COL16A1: variants seen among roughly 807,000 people sequenced by gnomAD.
COL16A1 encodes collagen type XVI alpha 1 chain, also known as collagen alpha-1(XVI) chain.
Under a neutral mutation model 266.3 loss-of-function variants are expected in COL16A1, and 189 were observed. The ratio of observed to expected loss-of-function variants is 0.71; its 90% CI spans 0.63 to 0.80. The LOEUF is 0.80. Ranked by LOEUF, COL16A1 falls within the 30% of genes least tolerant of loss-of-function variation. The pLI is 0.00. For synonymous variants in COL16A1, 740 were observed against 782.3 expected, an observed-to-expected ratio of 0.95 and a Z score of 0.90; for missense variants, 1,928 against 2,122.4, an observed-to-expected ratio of 0.91 and a Z score of 1.80.
At chr1:31,673,572 G>A (rs1013722061) in intron 44 of COL16A1, among the ~76,000 whole-genome samples, 5 of 152,330 alleles carry the variant, frequency 3.3e-5, no homozygotes, top group Admixed American at 1.3e-4. Context: ...CAGTAATAAC[G>A]ACTGGCATTT....
Position 31,671,098 on chromosome 1 carries a change from T to C in COL16A1, c.3151-452A>G, listed in dbSNP as rs150429103. ...CCTAGTCACTTCTATTTTCCTGCCATGTCAACATCACAGAGGACTCCAGAG... is the reference window on the plus strand; with the variant it reads ...CCTAGTCACTTCTATTTTCCTGCCACGTCAACATCACAGAGGACTCCAGAG... On this transcript the variant is annotated intron_variant, in intron 48 of 70. Transcript: ENST00000373672. Among the ~76,000 whole-genome samples the C allele has an allele frequency of 8.5e-5, 13 of 152,350 alleles. No individual in the cohort carries two copies. In the East Asian group the frequency reaches 1.4e-3, roughly 16 times the overall value.
At chr1:31,690,273 C>T (rs1644199625) in intron 22 of COL16A1, 94 bp downstream of exon 22, 1 of 1,570,312 alleles carries the variant, frequency 6.4e-7, no homozygotes, top group Non-Finnish European at 8.6e-7. Context: ...GAAGGTCCAG[C>T]ACCCCTAGGC....
In COL16A1 at chr1:31,664,443, C is replaced by A. The variant is rs1641955012; in HGVS notation, c.3555+729G>T. Among the ~76,000 whole-genome samples the A allele has an allele frequency of 6.6e-6, 1 of 152,134 alleles. No homozygotes were observed. The highest frequency in any genetic ancestry group is 2.4e-5 in the African/African-American group (1 of 41,416). On this transcript the variant is annotated intron_variant, in intron 56 of 70. Coordinates refer to ENST00000373672, the MANE Select transcript of COL16A1 (RefSeq NM_001856.4). This position sits in a 1 kb window ranked among gnomAD's most constrained non-coding sequence, Gnocchi z 5.5. ...AAGGCTCAGGGGAAAGAGGCTCCCA[C>A]CTGTCCCTCTGAACCCAGGTCCCCC...
chr1:31,662,308 C>T, intron 58 of COL16A1, 26 bp downstream of exon 58: 3 of 776,732 alleles, frequency 3.9e-6, no homozygotes, highest in Non-Finnish European at 4.3e-6. Flanking sequence ...GGAAGGGGTG[C>T]CCGCCCTCCC....
intron 52 of COL16A1, 116 bp downstream of exon 52, chr1:31,667,458 CA>C (rs1642231760): frequency 7.4e-6 from 6 of 812,020 alleles, no homozygotes; most frequent in South Asian, 5.1e-5. Flanking sequence ...GGCTTGGGGG[CA>C]GGGGGGCAGC....
At chr1:31,687,243 G>T (rs1166831721) in intron 26 of COL16A1, among the ~76,000 whole-genome samples, 1 of 152,020 alleles carries the variant, frequency 6.6e-6, no homozygotes, top group African/African-American at 2.4e-5. Context: ...TTAGCTGAGT[G>T]TGGTGGTGCA....
At chr1:31,662,721 C>T in intron 56 of COL16A1, 63 bp from the exon 57 acceptor site, 6 of 1,454,776 alleles carry the variant, frequency 4.1e-6, no homozygotes, top group Non-Finnish European at 5.5e-6. Context: ...TTTGCCCCAC[C>T]CATGGAGACC....
chr1:31,680,882 G>A (rs775101683), intron 39 of COL16A1, 23 bp downstream of exon 39: 2 of 1,613,992 alleles, frequency 1.2e-6, no homozygotes, highest in South Asian at 2.2e-5. Flanking sequence ...CTAGAATATG[G>A]GTCACAGGCC....
chr1:31,691,560 G>T, intron 18 of COL16A1, 38 bp downstream of exon 18: 3 of 1,613,954 alleles, frequency 1.9e-6, no homozygotes, highest in Middle Eastern at 1.7e-4. Context: ...CCCCAGCCCT[G>T]CCACCCCATC....
chr1:31,656,505 G>A lies in COL16A1; in HGVS notation c.4057-61C>T. 2 of 1,590,524 alleles carry A rather than the reference G, an allele frequency of 1.3e-6. No homozygotes were observed. Among genetic ancestry groups the A allele is most frequent in the South Asian group, 1.1e-5 (1 of 87,748 alleles). On this transcript the variant is annotated intron_variant, in intron 65 of 70. Coordinates refer to ENST00000373672, the MANE Select transcript of COL16A1 (RefSeq NM_001856.4). The surrounding 1 kb of genome is among the most constrained non-coding windows in gnomAD (Gnocchi z 4.2). The stretch of plus-strand genomic sequence containing the variant: ...CAGCATCTCTGAGGCTCCCTGGGGA[G>A]GCAGGTGCAGTGAAGAGGCCCCTTC...
chr1:31,652,895 G>C lies in COL16A1; in HGVS notation c.4613-42C>G, dbSNP rs1640750514. The C allele has an allele frequency of 7.0e-7, 1 of 1,427,296 alleles. No individual in the cohort carries two copies. Among genetic ancestry groups the C allele is most frequent in the African/African-American group, 1.4e-5 (1 of 69,526 alleles). The allele number at this position is 1,427,296 out of a possible 1,614,324, so 88.4% of individuals were successfully genotyped here. A position where few individuals can be genotyped will look rare whatever the true frequency, so the allele number is the denominator to read the frequency against. On this transcript the variant is annotated intron_variant, in intron 70 of 70. Transcript: ENST00000373672. The surrounding 1 kb of genome is among the most constrained non-coding windows in gnomAD (Gnocchi z 4.8). ...CACAGAGGGAAAATCAGAAGACCCA[G>C]ATCATAAGGGAAAAGAAGCCATAAT...
chr1:31,658,922 A>C lies in COL16A1; in HGVS notation c.3922T>G (p.Ser1308Ala). 1 of 1,553,778 alleles carries C rather than the reference A, an allele frequency of 6.4e-7. No homozygotes were observed. Among genetic ancestry groups the C allele is most frequent in the Non-Finnish European group, 8.7e-7 (1 of 1,148,218 alleles). Residue 1308 changes from serine (S) to alanine (A), a missense_variant, in exon 63 of 71, where the codon TCT (serine) becomes GCT (alanine). Coordinates refer to ENST00000373672, the MANE Select transcript of COL16A1 (RefSeq NM_001856.4). ...TGGAGCATGTTACTCACCACTGCAG[A>C]GATCCCAGCTGGTCCTGGCTGGCCT... ...PPGQPGPAGI[S>A]AVGLKGDRGA... is the part of the protein sequence containing the mutation.
At position 31,675,010 on chromosome 1, in the gene COL16A1, A is replaced by G. The variant is rs1198532591; in HGVS notation, c.2856T>C (p.Leu952=). 2 of 1,612,594 alleles carry G rather than the reference A, an allele frequency of 1.2e-6. No individual in the cohort carries two copies. The highest frequency in any genetic ancestry group is 3.3e-5 in the Admixed American group (2 of 59,876). Residue 952 remains leucine (L), a synonymous_variant, in exon 44 of 71, where the codon CTT becomes CTC. Coordinates refer to ENST00000373672, the MANE Select transcript of COL16A1 (RefSeq NM_001856.4). ...LGSLPIEQHL[L]KSICGDCVQG... is the part of the protein sequence containing the mutation. ...TCCCTCCTGGGTACCCTCTTACCTT[A>G]AGGAGGTGCTGTTCAATTGGTAAGG...
intron 2 of COL16A1, among the ~76,000 whole-genome samples, chr1:31,701,724 G>A (rs1020654093): frequency 2.0e-5 from 3 of 152,142 alleles, no homozygotes; most frequent in East Asian, 1.9e-4. Context: ...GGGAGGCGGC[G>A]TCCTTCTGCA....
chr1:31,695,821 G>T, intron 9 of COL16A1, 34 bp from the exon 10 acceptor site: 1 of 1,596,226 alleles, frequency 6.3e-7, no homozygotes, highest in Non-Finnish European at 8.6e-7. Context: ...GGAATGGGCA[G>T]GGAGCTCAGG....
At chr1:31,667,735 G>C in intron 51 of COL16A1, 107 bp from the exon 52 acceptor site, 1 of 1,113,950 alleles carries the variant, frequency 9.0e-7, no homozygotes, top group South Asian at 1.3e-5. Flanking sequence ...GGCTCTGGGG[G>C]AATGGCACTG....
At position 31,686,303 on chromosome 1, in the gene COL16A1, G is replaced by A. The variant is rs141736437; in HGVS notation, c.1804-24C>T. 1.1e-3 allele frequency: 1,826 copies of A among 1,614,204 alleles called. 17 individuals are homozygous for A. In the African/African-American group the frequency reaches 0.022, roughly 19 times the overall value. ...CCCTGAGAGAAAGCACAGAAACCAT[G>A]ATTAAAGAGGGGATGGAGTCTGGGT... is the stretch of plus-strand genomic sequence containing the variant. On this transcript the variant is annotated intron_variant, in intron 26 of 70. Transcript: ENST00000373672.
In COL16A1 at chr1:31,653,629, C is replaced by A; in HGVS notation, c.4582G>T (p.Ala1528Ser). ...GGGCCGGGAAGACCATTTTCTCCTG[C>A]AATGCCAATACCAATGTCCCCTTTT... ...GEKGDIGIGI[A>S]GENGLPGPPG... The change falls in exon 70 of 71, where the codon GCA (alanine) becomes TCA (serine). Residue 1528 changes from alanine (A) to serine (S), a missense_variant. Ala to Ser is a moderately conservative substitution (Grantham distance 99). Coordinates refer to ENST00000373672, the MANE Select transcript of COL16A1 (RefSeq NM_001856.4). The A allele has an allele frequency of 1.2e-6, 2 of 1,613,944 alleles. No homozygotes were observed. The highest frequency in any genetic ancestry group is 1.7e-5 in the Admixed American group (1 of 60,006).
chr1:31,684,910 G>A (rs1207374539), intron 29 of COL16A1, 54 bp from the exon 30 acceptor site: 10 of 1,610,974 alleles, frequency 6.2e-6, no homozygotes, highest in Non-Finnish European at 8.5e-6. Flanking sequence ...ACCCCAAAGT[G>A]CCCGGCACCA....
Sources: gnomAD v4.1 joint callset for allele counts (sites outside exome capture counted in the v4.1 genomes callset) on GRCh38, gnomAD v4.1.1 for gene constraint, Gnocchi (gnomAD v3.1) non-coding constraint, MANE v1.5 for transcripts, NCBI Gene and HGNC (gene_info 2026-07-23, HGNC 2026-07-21) for gene names.